The following STAP1 variants were observed in gnomAD, a reference collection of about 807,000 sequenced individuals.
STAP1 encodes the protein signal transducing adaptor family member 1.
A neutral mutation model predicts 37.8 loss-of-function variants in STAP1; 30 were observed. That is an observed-to-expected ratio of 0.79 (90% CI 0.59 to 1.08). The LOEUF (loss-of-function observed/expected upper bound fraction) is 1.08. Ranked by LOEUF, STAP1 falls within the 50% of genes least tolerant of loss-of-function variation. The probability of loss-of-function intolerance (pLI) is 0.00; values close to 1 mark genes in which losing one functional copy is unlikely to be tolerated. For missense variants in STAP1, 357 were observed against 349.4 expected (o/e 1.02, Z -0.17); for synonymous variants, 130 against 116.0 (o/e 1.12, Z -0.78).
chr4:67,590,817 ATTTAC>A, intron 6 of STAP1, 62 bp from the exon 7 acceptor site: 4 of 948,880 alleles, frequency 4.2e-6, no homozygotes, highest in Non-Finnish European at 6.2e-6. Context: ...GATATTTTAT[ATTTAC>A]TTTAGTTTGC....
intron 4 of STAP1, among the ~76,000 whole-genome samples, chr4:67,580,487 A>T (rs1276652046): frequency 6.6e-6 from 1 of 152,050 alleles, no homozygotes; most frequent in Non-Finnish European, 1.5e-5. Flanking sequence ...TTCTTCCCAT[A>T]CTCTAATGGA....
At chr4:67,606,199 C>T in intron 8 of STAP1, 97 bp from the exon 9 acceptor site, 1 of 913,604 alleles carries the variant, frequency 1.1e-6, no homozygotes, top group Non-Finnish European at 1.7e-6. Context: ...AGCAATGTTC[C>T]ACACACGAGC....
At chr4:67,578,984 A>G (rs1398699788) in intron 4 of STAP1, among the ~76,000 whole-genome samples, 2 of 152,028 alleles carry the variant, frequency 1.3e-5, no homozygotes, top group African/African-American at 2.4e-5. Flanking sequence ...ACGTACCATC[A>G]TGCCCGGCTA....
At chr4:67,561,781 G>C (rs1727342766) in intron 1 of STAP1, among the ~76,000 whole-genome samples, 2 of 152,128 alleles carry the variant, frequency 1.3e-5, no homozygotes, top group African/African-American at 4.8e-5. Context: ...AAATAAGAGA[G>C]AGTGTGGGTG....
intron 2 of STAP1, among the ~76,000 whole-genome samples, chr4:67,571,768 T>C (rs1425212203): frequency 6.6e-6 from 1 of 152,212 alleles, no homozygotes; most frequent in Non-Finnish European, 1.5e-5. Context: ...TAAGAGACTT[T>C]ATGAGCCAGT....
At chr4:67,559,485 T>C (rs1727285691) in intron 1 of STAP1, among the ~76,000 whole-genome samples, 2 of 152,110 alleles carry the variant, frequency 1.3e-5, no homozygotes, top group Admixed American at 6.5e-5. Context: ...TGACTTTTAA[T>C]TTTTGGGGTA....
rs550870744 is a variant in STAP1 at position 67,583,210 on chromosome 4, C to A, written c.531-364C>A. 8.1e-4 allele frequency among the ~76,000 whole-genome samples: 123 copies of A among 152,146 alleles called. 1 individual carries two copies. The highest frequency in any genetic ancestry group is 6.9e-3 in the South Asian group (33 of 4,802). On this transcript the variant is annotated intron_variant, in intron 5 of 8. Transcript: ENST00000265404. ...AAACATTTACAGATGTTTTGTATCC[C>A]CGAAAGGAGACCCCCAATAAATATT...
At chr4:67,583,516 A>G in intron 5 of STAP1, 58 bp from the exon 6 acceptor site, 2 of 1,500,546 alleles carry the variant, frequency 1.3e-6, no homozygotes, top group South Asian at 2.6e-5. Context: ...TATTTTTTTC[A>G]AGTAATGATC....
At chr4:67,603,833 T>C (rs1373204365) in intron 8 of STAP1, among the ~76,000 whole-genome samples, 1 of 151,804 alleles carries the variant, frequency 6.6e-6, no homozygotes, top group Non-Finnish European at 1.5e-5. Context: ...CTGCCTGAGA[T>C]TGGGGGAGGG....
intron 8 of STAP1, among the ~76,000 whole-genome samples, chr4:67,605,188 C>T (rs1728424883): frequency 6.6e-6 from 1 of 152,114 alleles, no homozygotes; most frequent in Non-Finnish European, 1.5e-5. Flanking sequence ...GTTGCCCAAT[C>T]TCTCCAAGAA....
intron 1 of STAP1, among the ~76,000 whole-genome samples, chr4:67,567,302 T>C (rs1213381215): frequency 6.6e-6 from 1 of 152,202 alleles, no homozygotes. Context: ...TTCTTTTCTA[T>C]GGTAATTTGT....
chr4:67,587,713 T>C (rs549793335), intron 6 of STAP1, among the ~76,000 whole-genome samples: 70 of 100,018 alleles, frequency 7.0e-4, no homozygotes, highest in South Asian at 5.9e-3. Flanking sequence ...CACCTTTTCT[T>C]TCTTTCTTTT....
At chr4:67,562,068 CAAAAAA>C (rs71219057) in intron 1 of STAP1, among the ~76,000 whole-genome samples, 7 of 77,262 alleles carry the variant, frequency 9.1e-5, no homozygotes, top group African/African-American at 2.3e-4. Flanking sequence ...GAGACTCTGT[CAAAAAA>C]AAAAAAAAAA....
At chr4:67,599,056 G>A (rs9990469) in intron 8 of STAP1, among the ~76,000 whole-genome samples, 19,932 of 152,060 alleles carry the variant, frequency 0.13, 2,494 homozygotes, top group African/African-American at 0.33. Context: ...TGTATCCCAG[G>A]GATGATAAAT....
chr4:67,593,162 G>T, intron 7 of STAP1, 98 bp from the exon 8 acceptor site: 1 of 782,492 alleles, frequency 1.3e-6, no homozygotes, highest in Non-Finnish European at 2.1e-6. Flanking sequence ...TTGAAGTGAA[G>T]TAATGACAGT....
intron 5 of STAP1, among the ~76,000 whole-genome samples, chr4:67,583,350 G>T (rs532967459): frequency 6.6e-6 from 1 of 152,254 alleles, no homozygotes; most frequent in East Asian, 1.9e-4. Context: ...GTATAAAAAG[G>T]CTTTGGAAGA....
chr4:67,604,210 AT>A (rs1213001046), intron 8 of STAP1, among the ~76,000 whole-genome samples: 1 of 152,228 alleles, frequency 6.6e-6, no homozygotes, highest in Non-Finnish European at 1.5e-5. Context: ...AAGCACACAG[AT>A]TCTCTCTCTG....
At chr4:67,593,727 C>G (rs17088497) in intron 8 of STAP1, among the ~76,000 whole-genome samples, 11 of 151,944 alleles carry the variant, frequency 7.2e-5, no homozygotes, top group Admixed American at 2.0e-4. Flanking sequence ...ACGTTAGATG[C>G]GTAATACAGG....
chr4:67,571,000 T>G (rs1456312479), intron 1 of STAP1, 84 bp from the exon 2 acceptor site: 1 of 1,112,300 alleles, frequency 9.0e-7, no homozygotes, highest in African/African-American at 1.6e-5. Context: ...CACAAGCAAT[T>G]AAGAAAGTTA....
Sources: allele counts gnomAD v4.1 joint callset (sites outside exome capture counted in the v4.1 genomes callset), GRCh38; gene constraint gnomAD v4.1.1; transcripts MANE v1.5; gene names NCBI Gene and HGNC (gene_info 2026-07-23, HGNC 2026-07-21).